The following ITGB5 variants were observed in gnomAD, a reference collection of about 807,000 sequenced individuals.
The protein encoded by ITGB5 is integrin subunit beta 5.
ITGB5 carries 38 observed loss-of-function variants against 84.8 expected under a neutral mutation model. That is an observed-to-expected ratio of 0.45 (90% confidence interval 0.35 to 0.59). The LOEUF is 0.59. Among genes scored for constraint, ITGB5 ranks in the 20% least tolerant of loss-of-function variants. The pLI is 0.01. For synonymous variants in ITGB5, 393 were observed against 414.4 expected (o/e 0.95, Z 0.63); for missense variants, 905 against 1,034.5 (o/e 0.87, Z 1.72).
At chr3:124,817,579 G>T in intron 8 of ITGB5, 42 bp downstream of exon 8, 1 of 1,107,094 alleles carries the variant, frequency 9.0e-7, no homozygotes, top group Non-Finnish European at 1.3e-6. Context: ...GTGGGAGAGG[G>T]TGGAAGGGAG....
chr3:124,814,514 T>C (rs1030837671), intron 8 of ITGB5, among the ~76,000 whole-genome samples: 3 of 149,296 alleles, frequency 2.0e-5, no homozygotes, highest in Non-Finnish European at 4.4e-5. Flanking sequence ...TCTCACTCTG[T>C]CACCCAGGCT....
chr3:124,817,007 G>C (rs972656864), intron 8 of ITGB5, among the ~76,000 whole-genome samples: 1 of 152,128 alleles, frequency 6.6e-6, no homozygotes, highest in Non-Finnish European at 1.5e-5. Flanking sequence ...CTGCTTCCAG[G>C]AGTTCAAGAT....
At chr3:124,853,704 G>C (rs1293022063) in intron 3 of ITGB5, among the ~76,000 whole-genome samples, 1 of 152,184 alleles carries the variant, frequency 6.6e-6, no homozygotes, top group Non-Finnish European at 1.5e-5. Context: ...AAACCCAAAA[G>C]CAACCAATTA....
chr3:124,766,118 A>G (rs1310000818), intron 13 of ITGB5, 108 bp downstream of exon 13: 14 of 1,212,186 alleles, frequency 1.2e-5, no homozygotes, highest in Non-Finnish European at 1.5e-5. Flanking sequence ...TGCAGTTTCA[A>G]AAGGCCGATG....
At chr3:124,767,358 T>G (rs2063781955) in intron 12 of ITGB5, among the ~76,000 whole-genome samples, 1 of 151,882 alleles carries the variant, frequency 6.6e-6, no homozygotes, top group Admixed American at 6.6e-5. Context: ...CTGGGCTGGG[T>G]GAGTATGAGT....
At position 124,796,274 on chromosome 3, in the gene ITGB5, G is replaced by A; in HGVS notation, c.1693+114C>T. ...GCTTGCCCACTGTCTTCTCCAAGGAGAGCCATGGTAGTGACACTTTCTACC... is the reference window on the plus strand; with the variant it reads ...GCTTGCCCACTGTCTTCTCCAAGGAAAGCCATGGTAGTGACACTTTCTACC... On this transcript the variant is annotated intron_variant, in intron 10 of 14. Coordinates refer to ENST00000296181, the MANE Select transcript of ITGB5 (RefSeq NM_002213.5). 3 of 968,900 alleles carry A rather than the reference G, an allele frequency of 3.1e-6. No homozygotes were observed. In the South Asian group the frequency reaches 4.7e-5, roughly 15 times the overall value. The allele number at this position is 968,900 out of a possible 1,614,324, so 60.0% of individuals were successfully genotyped here.
chr3:124,883,008 C>A (rs1158714713), intron 1 of ITGB5, among the ~76,000 whole-genome samples: 5 of 152,176 alleles, frequency 3.3e-5, no homozygotes, highest in Non-Finnish European at 5.9e-5. Context: ...CCATTAATCC[C>A]ATTCGAACCG....
intron 1 of ITGB5, among the ~76,000 whole-genome samples, chr3:124,892,785 A>T (rs1444325925): frequency 6.6e-6 from 1 of 152,006 alleles, no homozygotes; most frequent in African/African-American, 2.4e-5. Flanking sequence ...CTTAAAAATC[A>T]GATTCGTTAA....
intron 2 of ITGB5, among the ~76,000 whole-genome samples, chr3:124,867,372 C>T (rs2065407007): frequency 6.6e-6 from 1 of 152,226 alleles, no homozygotes; most frequent in African/African-American, 2.4e-5. Context: ...CACAGCCACA[C>T]CATTTCACGG....
Position 124,871,959 on chromosome 3 carries a change from C to T in ITGB5, c.156+1487G>A, listed in dbSNP as rs539317288. Among the ~76,000 whole-genome samples the T allele has an allele frequency of 4.3e-4, 65 of 152,176 alleles. 1 individual carries two copies. The Middle Eastern group carries it at 0.014, about 32-fold the overall frequency. Reference sequence around the variant, plus strand: ...GGAAGATCAGGCAGGGTTTCTCAAGCTGGGCTCTCTGGGTATCTGCAGGTG... The same window carrying T: ...GGAAGATCAGGCAGGGTTTCTCAAGTTGGGCTCTCTGGGTATCTGCAGGTG... On this transcript the variant is annotated intron_variant, in intron 2 of 14. Coordinates refer to ENST00000296181, the MANE Select transcript of ITGB5 (RefSeq NM_002213.5).
At chr3:124,764,334 C>T (rs2063736150) in intron 14 of ITGB5, 57 bp downstream of exon 14, 2 of 1,555,586 alleles carry the variant, frequency 1.3e-6, no homozygotes, top group African/African-American at 1.4e-5. Flanking sequence ...TACCGCTGAA[C>T]TCAACCACGC....
intron 2 of ITGB5, 93 bp downstream of exon 2, chr3:124,873,353 A>G (rs1220253478): frequency 3.5e-6 from 3 of 860,968 alleles, no homozygotes; most frequent in Middle Eastern, 2.4e-4. Flanking sequence ...ATTTTTATGT[A>G]TAGTGAATTA....
At chr3:124,895,830 C>T (rs1348868291) in intron 1 of ITGB5, among the ~76,000 whole-genome samples, 2 of 152,006 alleles carry the variant, frequency 1.3e-5, no homozygotes, top group East Asian at 4.0e-4. Context: ...GAAATCTGGG[C>T]CCAGGATCAG....
chr3:124,896,728 C>T (rs941583233), intron 1 of ITGB5, among the ~76,000 whole-genome samples: 4 of 125,802 alleles, frequency 3.2e-5, no homozygotes, highest in Non-Finnish European at 6.4e-5. Flanking sequence ...TCCTGGGACA[C>T]AGAGTGAGAC....
chr3:124,850,209 G>A (rs2065132281), intron 3 of ITGB5, among the ~76,000 whole-genome samples: 1 of 151,686 alleles, frequency 6.6e-6, no homozygotes, highest in Middle Eastern at 3.4e-3. Context: ...ACTAGATCAC[G>A]AAGAATCCAA....
In ITGB5 at chr3:124,818,502, CTTTTTTTTTTTTT is replaced by C. The variant is rs143582866; in HGVS notation, c.1039-805_1039-793del. ...AAAACGTTATTTGTAAGTGCATAGG[CTTTTTTTTTTTTT>C]TTTTTTTTTTTTTTTTGCGACAGAA... On this transcript the variant is annotated intron_variant, in intron 7 of 14. Transcript: ENST00000296181. Among the ~76,000 whole-genome samples the C allele has an allele frequency of 7.3e-5, 5 of 68,214 alleles. No homozygotes were observed. The East Asian group carries it at 1.4e-3, about 19-fold the overall frequency. 44.8% of individuals were successfully genotyped at this position (68,214 alleles called of 152,430 possible).
In ITGB5 at chr3:124,873,531, C is replaced by A; in HGVS notation, c.71G>T (p.Gly24Val). The A allele has an allele frequency of 6.2e-7, 1 of 1,610,308 alleles. No homozygotes were observed. Among genetic ancestry groups the A allele is most frequent in the Non-Finnish European group, 8.5e-7 (1 of 1,176,624 alleles). Residue 24 changes from glycine to valine, a missense_variant and splice_region_variant, in exon 2 of 15, where the codon GGT becomes GTT. Gly to Val is a moderately radical substitution (Grantham distance 109, BLOSUM62 -3). Transcript: ENST00000296181. ...GLCALLPRLAGLNICTSGSAT... is the reference protein window; with the variant it reads ...GLCALLPRLAVLNICTSGSAT... The stretch of plus-strand genomic sequence containing the variant: ...ACTTCCACTAGTGCATATGTTGAGA[C>A]CTTTAAAGCAAGATAAAGATGCACT...
chr3:124,766,969 AT>A (rs1404134839), intron 12 of ITGB5, among the ~76,000 whole-genome samples: 4 of 152,128 alleles, frequency 2.6e-5, no homozygotes, highest in African/African-American at 4.8e-5. Flanking sequence ...CCTCCTCCAT[AT>A]TAAGAAGCCC....
At chr3:124,852,596 T>C (rs2065172799) in intron 3 of ITGB5, among the ~76,000 whole-genome samples, 1 of 152,140 alleles carries the variant, frequency 6.6e-6, no homozygotes, top group African/African-American at 2.4e-5. Context: ...CTCTTTGCCT[T>C]CCCTTTAATA....
Sources: allele counts gnomAD v4.1 joint callset (sites outside exome capture counted in the v4.1 genomes callset), GRCh38; gene constraint gnomAD v4.1.1; transcripts MANE v1.5; gene names NCBI Gene and HGNC (gene_info 2026-07-23, HGNC 2026-07-21).